SYNE1: variants seen among roughly 807,000 people sequenced by gnomAD.
The protein encoded by SYNE1 is spectrin repeat containing nuclear envelope protein 1.
A neutral mutation model predicts 1,111.0 loss-of-function variants in SYNE1; 616 were observed. That is an observed-to-expected ratio of 0.55 (90% CI 0.52 to 0.59). The LOEUF is 0.59. SYNE1 is among the 20% of genes least tolerant of loss of function. SYNE1 has a pLI of 0.00. For missense variants in SYNE1, 10,006 were observed against 10,417.0 expected (o/e 0.96, Z 1.72); for synonymous variants, 3,855 against 3,825.8 (o/e 1.01, Z -0.28).
intron 123 of SYNE1, among the ~76,000 whole-genome samples, chr6:152,212,483 T>C (rs1409684717): frequency 6.6e-6 from 1 of 152,224 alleles, no homozygotes; most frequent in Non-Finnish European, 1.5e-5. Context: ...GCAAATAGTA[T>C]TCTATTATAT....
At chr6:152,271,430 T>C (rs1173944009) in intron 98 of SYNE1, among the ~76,000 whole-genome samples, 1 of 152,202 alleles carries the variant, frequency 6.6e-6, no homozygotes, top group Non-Finnish European at 1.5e-5. Flanking sequence ...CAGCCAGAGA[T>C]TGCAGTTTAG....
chr6:152,167,772 G>T (rs753918713), intron 130 of SYNE1: 20 of 559,154 alleles, frequency 3.6e-5, no homozygotes, highest in Admixed American at 7.7e-5. Context: ...GCAGATGATG[G>T]ACTAACTGAG....
At chr6:152,259,108 T>C (rs1008539355) in intron 101 of SYNE1, among the ~76,000 whole-genome samples, 2 of 152,144 alleles carry the variant, frequency 1.3e-5, no homozygotes, top group Non-Finnish European at 2.9e-5. Context: ...CATGATCCTG[T>C]AAATATGCCA....
At chr6:152,381,709 T>A (rs1563558116) in intron 55 of SYNE1, 1 of 346,652 alleles carries the variant, frequency 2.9e-6, no homozygotes, top group East Asian at 6.9e-5. Context: ...CATATTTCCC[T>A]CAAAGTGGAT....
intron 3 of SYNE1, among the ~76,000 whole-genome samples, chr6:152,607,714 T>C (rs753831026): frequency 2.0e-5 from 3 of 152,186 alleles, no homozygotes; most frequent in Non-Finnish European, 2.9e-5. Context: ...AATCATTCTA[T>C]TATCAAGATA....
At chr6:152,505,501 G>T in intron 8 of SYNE1, 104 bp from the exon 9 acceptor site, 1 of 1,238,288 alleles carries the variant, frequency 8.1e-7, no homozygotes, top group East Asian at 2.5e-5. Flanking sequence ...ACGATATGCA[G>T]AGAGCTGTAT....
rs371289584 is a variant in SYNE1 at position 152,213,744 on chromosome 6, A to G, written c.22362T>C (p.Phe7454=). 8 of 1,614,010 alleles carry G rather than the reference A, an allele frequency of 5.0e-6. No individual in the cohort carries two copies. The African/African-American group carries it at 6.7e-5, about 13-fold the overall frequency. The change falls in exon 123 of 146, where the codon TTT becomes TTC. Residue 7454 remains phenylalanine (F), a synonymous_variant. Coordinates refer to ENST00000367255, the MANE Select transcript of SYNE1 (RefSeq NM_182961.4). ...CCAAGAAAGTCTGATGTTGTAGCAA[A>G]AATGACTGCAACTTGCTGAAAGAAC... ...TTERFSKLQS[F]LLQHQTFLEK...
chr6:152,453,551 AG>A lies in SYNE1; in HGVS notation c.3027+34del, dbSNP rs547705798. The A allele has an allele frequency of 2.7e-3, 4,354 of 1,614,140 alleles. 7 individuals are homozygous for A. Among genetic ancestry groups the A allele is most frequent in the Non-Finnish European group, 3.4e-3 (4,055 of 1,180,012 alleles). On this transcript the variant is annotated intron_variant, in intron 25 of 145. Transcript: ENST00000367255. ...CACGCTCAAGCTTCTCCCTTCATTG[AG>A]GATGCACGGTGTCTCCGTCCTGTCC...
rs1271895735 is a variant in SYNE1 at position 152,409,763 on chromosome 6, G to C, written c.6231-54C>G. On this transcript the variant is annotated intron_variant, in intron 42 of 145. Coordinates refer to ENST00000367255, the MANE Select transcript of SYNE1 (RefSeq NM_182961.4). ...TGGTGTCATGTATCAGGAAAAGGGA[G>C]AGTTGCCTGCAATTGGACTTGATGT... 2.5e-6 allele frequency: 4 copies of C among 1,589,514 alleles called. No individual in the cohort carries two copies. The African/African-American group carries it at 4.0e-5, about 16-fold the overall frequency.
intron 89 of SYNE1, 139 bp downstream of exon 89, chr6:152,310,257 C>T (rs1476666880): frequency 1.1e-5 from 15 of 1,327,078 alleles, no homozygotes; most frequent in Non-Finnish European, 1.6e-5. Flanking sequence ...GCCTGGCCAA[C>T]ATAGGGATAC....
At chr6:152,252,249 G>A (rs1051690825) in intron 104 of SYNE1, among the ~76,000 whole-genome samples, 12 of 151,782 alleles carry the variant, frequency 7.9e-5, no homozygotes, top group African/African-American at 2.9e-4. Context: ...TCCAGCCTGG[G>A]CAACAAGAGC....
chr6:152,262,003 G>C (rs748739863), intron 101 of SYNE1, 29 bp downstream of exon 101: 1 of 1,548,850 alleles, frequency 6.5e-7, no homozygotes, highest in South Asian at 1.2e-5. Context: ...TTTTATATTA[G>C]TTAATATATA....
At chr6:152,397,415 G>A (rs1248594770) in intron 49 of SYNE1, among the ~76,000 whole-genome samples, 1 of 152,050 alleles carries the variant, frequency 6.6e-6, no homozygotes, top group East Asian at 1.9e-4. Context: ...ATCTATGCTT[G>A]GACAGGGCTT....
chr6:152,380,740 T>C (rs1404122938), intron 56 of SYNE1: 2 of 467,162 alleles, frequency 4.3e-6, no homozygotes, highest in Admixed American at 6.7e-5. Flanking sequence ...TTACAGACTC[T>C]TACACCATAG....
At chr6:152,179,867 T>C (rs1050481226) in intron 129 of SYNE1, among the ~76,000 whole-genome samples, 2 of 151,784 alleles carry the variant, frequency 1.3e-5, no homozygotes, top group Non-Finnish European at 2.9e-5. Context: ...TGTATTTTAG[T>C]AGAGACAGGG....
intron 138 of SYNE1, among the ~76,000 whole-genome samples, chr6:152,141,652 G>A (rs1459285783): frequency 6.6e-6 from 1 of 152,062 alleles, no homozygotes. Flanking sequence ...TCAGCTACCT[G>A]GGAGGCTGAG....
intron 145 of SYNE1, among the ~76,000 whole-genome samples, chr6:152,124,483 T>C (rs2052616649): frequency 6.6e-6 from 1 of 152,226 alleles, no homozygotes; most frequent in Admixed American, 6.5e-5. Flanking sequence ...ACTCACTTCA[T>C]CTCTAGGTGT....
rs749938429 is a variant in SYNE1, at chr6:152,347,192, T to C, written c.11945A>G (p.Asn3982Ser). 1 of 1,614,226 alleles carries C rather than the reference T, an allele frequency of 6.2e-7. No homozygotes were observed. ...EIAGFEDRLN[N>S]LQMKGDTLIG... Reference sequence around the variant, plus strand: ...CAAAGTATCACCTTTCATTTGAAGATTGTTCAAACGGTCTTCAAAACCAGC... The same window carrying C: ...CAAAGTATCACCTTTCATTTGAAGACTGTTCAAACGGTCTTCAAAACCAGC... Residue 3982 changes from asparagine (N) to serine (S), a missense_variant, in exon 73 of 146, where the codon AAT becomes AGT. This residue lies in a region of SYNE1 where 4,955 missense variants were observed against 5,017.2 expected (regional missense o/e 0.99). Transcript: ENST00000367255.
chr6:152,397,014 G>A (rs1005130613), intron 49 of SYNE1, 34 bp from the exon 50 acceptor site: 1 of 1,595,652 alleles, frequency 6.3e-7, no homozygotes, highest in Admixed American at 1.7e-5. Context: ...AGGTCCATGG[G>A]ACTATGCATT....
Sources: allele counts gnomAD v4.1 joint callset (sites outside exome capture counted in the v4.1 genomes callset), GRCh38; gene constraint gnomAD v4.1.1; regional missense constraint gnomAD v4.1.1; transcripts MANE v1.5; gene names NCBI Gene and HGNC (gene_info 2026-07-23, HGNC 2026-07-21).